PCM1: variants seen among roughly 807,000 people sequenced by gnomAD.
PCM1 encodes pericentriolar material 1 protein.
PCM1 carries 157 observed loss-of-function variants against 241.9 expected under a neutral mutation model. That is an observed-to-expected ratio of 0.65 (90% CI 0.57 to 0.74). The LOEUF is 0.74. PCM1 is among the 30% of genes least tolerant of loss of function. PCM1 has a pLI of 0.00. For synonymous variants in PCM1, 1,085 were observed against 784.9 expected, an observed-to-expected ratio of 1.38 and a Z score of -6.39; for missense variants, 3,478 against 2,360.1, an observed-to-expected ratio of 1.47 and a Z score of -9.81.
rs537441757 is a variant in PCM1 at position 17,937,852 on chromosome 8, T to G, written c.342+473T>G. Among the ~76,000 whole-genome samples the G allele has an allele frequency of 2.7e-3, 407 of 152,262 alleles. 1 individual carries two copies. Among genetic ancestry groups the G allele is most frequent in the African/African-American group, 9.6e-3 (399 of 41,556 alleles). ...AAATTCTTGAGAGATATTTTACTCTTAGATCTATATGTCATAGAGACACAC... is the reference window on the plus strand; with the variant it reads ...AAATTCTTGAGAGATATTTTACTCTGAGATCTATATGTCATAGAGACACAC... On this transcript the variant is annotated intron_variant, in intron 4 of 38. Coordinates refer to ENST00000325083, the MANE Select transcript of PCM1 (RefSeq NM_006197.4).
intron 36 of PCM1, among the ~76,000 whole-genome samples, chr8:18,019,960 T>G (rs1422218694): frequency 2.6e-5 from 4 of 152,172 alleles, no homozygotes; most frequent in Non-Finnish European, 5.9e-5. Flanking sequence ...TTAAGGGAGT[T>G]CATTGGTCTT....
Position 18,011,290 on chromosome 8 carries a change from T to C in PCM1, c.5274T>C (p.Asp1758=), listed in dbSNP as rs36007178. The change falls in exon 33 of 39, where the codon GAT becomes GAC. Residue 1758 remains aspartate, a synonymous_variant. Transcript: ENST00000325083. ...VKQTQTSEVY[D]GPKNVRSDIS... is the part of the protein sequence containing the mutation. ...AGACTCAAACATCTGAGGTGTATGA[T>C]GGTCCCAAAAATGTAAGATCTGATA... 2.0e-3 allele frequency: 3,204 copies of C among 1,607,648 alleles called. 63 individuals are homozygous for C. In the African/African-American group the frequency reaches 0.039, roughly 19 times the overall value.
At chr8:17,947,015 C>G (rs13276297) in intron 6 of PCM1, among the ~76,000 whole-genome samples, 171 bp from the exon 7 acceptor site, 1 of 151,998 alleles carries the variant, frequency 6.6e-6, no homozygotes, top group Admixed American at 6.6e-5. Context: ...ATATATATAT[C>G]TCTGTGTCAT....
rs975947075 is a variant in PCM1, at chr8:18,028,759, G to T, written c.*1097G>T. On this transcript the variant is annotated 3_prime_UTR_variant, in exon 39 of 39. Transcript: ENST00000325083. ...TCAATCTTATAGATTCTTCTTCCTC[G>T]AATAAAATACAAAGAATTAGTTCCA... 3.1e-5 allele frequency: 6 copies of T among 193,628 alleles called. No homozygotes were observed. The highest frequency in any genetic ancestry group is 5.4e-5 in the Non-Finnish European group (5 of 92,850). The allele number at this position is 193,628 out of a possible 1,614,324, so 12.0% of individuals were successfully genotyped here.
At chr8:17,990,631 C>T (rs908324662) in intron 27 of PCM1, among the ~76,000 whole-genome samples, 1 of 151,964 alleles carries the variant, frequency 6.6e-6, no homozygotes, top group Non-Finnish European at 1.5e-5. Flanking sequence ...TGATACGTTT[C>T]TAGACTGTGG....
chr8:18,020,038 ATC>A (rs1398742652), intron 36 of PCM1, among the ~76,000 whole-genome samples: 1 of 152,132 alleles, frequency 6.6e-6, no homozygotes, highest in African/African-American at 2.4e-5. Context: ...ATTTAGAAAA[ATC>A]TCTGTCCCAG....
intron 8 of PCM1, among the ~76,000 whole-genome samples, chr8:17,951,376 T>C (rs1159512671): frequency 1.3e-5 from 2 of 152,220 alleles, no homozygotes; most frequent in Admixed American, 1.3e-4. Context: ...TGGAGAGTTA[T>C]ATAGCAGTAC....
At chr8:18,005,176 T>C (rs914310506) in intron 29 of PCM1, among the ~76,000 whole-genome samples, 29 of 152,160 alleles carry the variant, frequency 1.9e-4, no homozygotes, top group African/African-American at 6.5e-4. Flanking sequence ...AAAATATTTA[T>C]TTATTCAGTA....
chr8:17,927,675 C>G (rs1055316433), intron 2 of PCM1: 4 of 152,080 alleles, frequency 2.6e-5, no homozygotes, highest in Non-Finnish European at 4.4e-5. Context: ...CTCAGCCTCC[C>G]TAGTAGCTGG....
intron 24 of PCM1, among the ~76,000 whole-genome samples, chr8:17,981,838 C>T (rs2080935980): frequency 2.0e-5 from 3 of 151,610 alleles, no homozygotes. Flanking sequence ...TCCTGGAAAG[C>T]TTCAGAAGTC....
chr8:17,966,928 A>G, intron 20 of PCM1, 52 bp from the exon 21 acceptor site: 1 of 1,459,598 alleles, frequency 6.9e-7, no homozygotes, highest in Non-Finnish European at 9.3e-7. Context: ...AATGTACTTT[A>G]TATATATGGC....
intron 30 of PCM1, among the ~76,000 whole-genome samples, chr8:18,007,820 G>A (rs771921638): frequency 7.2e-5 from 11 of 152,044 alleles, no homozygotes. Flanking sequence ...TACCATAACT[G>A]TACTAGATAA....
rs1164451801 is a variant in PCM1 at position 17,962,139 on chromosome 8, T to C, written c.2428T>C (p.Phe810Leu). 1 of 1,609,418 alleles carries C rather than the reference T, an allele frequency of 6.2e-7. No individual in the cohort carries two copies. Among genetic ancestry groups the C allele is most frequent in the Non-Finnish European group, 8.5e-7 (1 of 1,177,220 alleles). ...CGAGACCAGTACAAGCAAATCTGTT[T>C]TTGAGCCTGAAGATTCTTCAATAGT... ...QHETSTSKSV[F>L]EPEDSSIVDN... The change falls in exon 16 of 39, where the codon TTT (phenylalanine) becomes CTT (leucine). Residue 810 changes from phenylalanine (F) to leucine (L), a missense_variant. By Grantham distance (22) the Phe-to-Leu change is conservative. Transcript: ENST00000325083.
chr8:17,999,131 G>C (rs2088179771), intron 29 of PCM1, among the ~76,000 whole-genome samples: 2 of 152,004 alleles, frequency 1.3e-5, no homozygotes. Flanking sequence ...GAGCCTGCTT[G>C]GTGCTCTACC....
intron 18 of PCM1, 24 bp downstream of exon 18, chr8:17,964,792 G>A (rs745322908): frequency 6.3e-7 from 1 of 1,582,006 alleles, no homozygotes; most frequent in African/African-American, 1.3e-5. Context: ...TTTTAATTTT[G>A]TGCTTAATTT....
intron 7 of PCM1, among the ~76,000 whole-genome samples, chr8:17,948,765 T>TA (rs1212346823): frequency 6.6e-6 from 1 of 152,220 alleles, no homozygotes; most frequent in Non-Finnish European, 1.5e-5. Flanking sequence ...TAAAATGCTT[T>TA]AACATAATGA....
chr8:17,933,734 C>T (rs905651515), intron 2 of PCM1, among the ~76,000 whole-genome samples: 2 of 151,870 alleles, frequency 1.3e-5, no homozygotes, highest in African/African-American at 4.8e-5. Flanking sequence ...TAAAAAATAC[C>T]TACTCTTTAA....
intron 6 of PCM1, 32 bp from the exon 7 acceptor site, chr8:17,947,154 C>T (rs752278525): frequency 1.8e-5 from 25 of 1,414,430 alleles, no homozygotes; most frequent in Non-Finnish European, 2.4e-5. Flanking sequence ...TTTTAATAGT[C>T]AGATACAAGT....
chr8:17,935,770 T>C, intron 3 of PCM1, 64 bp downstream of exon 3: 1 of 788,818 alleles, frequency 1.3e-6, no homozygotes, highest in Non-Finnish European at 2.2e-6. Flanking sequence ...GTTTTCCCCC[T>C]GACCAAATTT....
Sources: gnomAD v4.1 joint callset for allele counts (sites outside exome capture counted in the v4.1 genomes callset) on GRCh38, gnomAD v4.1.1 for gene constraint, MANE v1.5 for transcripts, NCBI Gene and HGNC (gene_info 2026-07-23, HGNC 2026-07-21) for gene names.